The following PTCHD4 variants were observed in gnomAD, a reference collection of about 807,000 sequenced individuals.
PTCHD4 encodes the protein patched domain-containing protein 4.
PTCHD4 carries 33 observed loss-of-function variants against 58.1 expected under a neutral mutation model. That is an observed-to-expected ratio of 0.57 (90% confidence interval 0.43 to 0.76). PTCHD4 has a LOEUF of 0.76. PTCHD4 is among the 30% of genes least tolerant of loss of function. The pLI is 0.00. For missense variants in PTCHD4, 1,058 were observed against 1,027.1 expected (o/e 1.03, Z -0.41); for synonymous variants, 478 against 409.6 (o/e 1.17, Z -2.02).
At chr6:47,902,780 A>C (rs750214884) in intron 4 of PTCHD4, among the ~76,000 whole-genome samples, 15 of 152,220 alleles carry the variant, frequency 9.9e-5, no homozygotes, top group Non-Finnish European at 2.1e-4. Flanking sequence ...ATGTCCATAA[A>C]TAACCCATGT....
At chr6:47,881,979 C>T (rs1025376529) in intron 4 of PTCHD4, among the ~76,000 whole-genome samples, 2 of 152,116 alleles carry the variant, frequency 1.3e-5, no homozygotes, top group African/African-American at 4.8e-5. Context: ...TGCATTTTAT[C>T]AGGAGCTCAA....
At position 47,881,527 on chromosome 6, in the gene PTCHD4, T is replaced by A. The variant is rs559445530; in HGVS notation, c.899-1591A>T. Among the ~76,000 whole-genome samples the A allele has an allele frequency of 5.5e-4, 84 of 151,814 alleles. 2 individuals carry two copies. The South Asian group carries it at 0.017, about 30-fold the overall frequency. ...TTGTCTGCCTCCTTTTGGAATTCTCTTCTAAGAAAACCAAATCTTGGCTAA... is the reference window on the plus strand; with the variant it reads ...TTGTCTGCCTCCTTTTGGAATTCTCATCTAAGAAAACCAAATCTTGGCTAA... On this transcript the variant is annotated intron_variant, in intron 4 of 4. Coordinates refer to ENST00000339488, the MANE Select transcript of PTCHD4 (RefSeq NM_001384253.1).
intron 4 of PTCHD4, among the ~76,000 whole-genome samples, chr6:47,908,414 C>A (rs1764968479): frequency 6.6e-6 from 1 of 152,140 alleles, no homozygotes; most frequent in Non-Finnish European, 1.5e-5. Flanking sequence ...GTGATTCCAC[C>A]TCAAGCATCA....
intron 3 of PTCHD4, among the ~76,000 whole-genome samples, chr6:48,032,532 A>G (rs1384469381): frequency 1.3e-5 from 2 of 152,102 alleles, no homozygotes; most frequent in African/African-American, 4.8e-5. Context: ...AATAGACAGA[A>G]GCGAAATTAA....
intron 4 of PTCHD4, among the ~76,000 whole-genome samples, chr6:47,914,207 C>T (rs1277088253): frequency 2.6e-5 from 4 of 152,004 alleles, no homozygotes; most frequent in African/African-American, 9.7e-5. Flanking sequence ...TTTTAGCAGC[C>T]ATTTAAGTGT....
chr6:47,959,645 A>G (rs1023801100), intron 4 of PTCHD4, among the ~76,000 whole-genome samples: 2 of 152,156 alleles, frequency 1.3e-5, no homozygotes, highest in Non-Finnish European at 2.9e-5. Context: ...TAAAGAGACA[A>G]TCATAGGAGC....
intron 4 of PTCHD4, among the ~76,000 whole-genome samples, chr6:47,953,409 C>A (rs1766730260): frequency 6.6e-6 from 1 of 152,142 alleles, no homozygotes; most frequent in Non-Finnish European, 1.5e-5. Context: ...AAGATGTCAT[C>A]TTTGTACACA....
chr6:47,915,240 C>T (rs1213894331), intron 4 of PTCHD4, among the ~76,000 whole-genome samples: 1 of 138,632 alleles, frequency 7.2e-6, no homozygotes, highest in Non-Finnish European at 1.6e-5. Flanking sequence ...TCTTAAAGCA[C>T]TTATTTATTT....
chr6:47,869,989 C>T lies in PTCHD4; in HGVS notation c.*8314G>A, dbSNP rs551382137. ...GAATTTAAGAATAACCTAGCTTTTA[C>T]AGCATTTGTGATTGTGATTTTAAAA... On this transcript the variant is annotated 3_prime_UTR_variant, in exon 5 of 5. Coordinates refer to ENST00000339488, the MANE Select transcript of PTCHD4 (RefSeq NM_001384253.1). Among the ~76,000 whole-genome samples the T allele has an allele frequency of 1.3e-5, 2 of 151,626 alleles. No individual in the cohort carries two copies. Among genetic ancestry groups the T allele is most frequent in the South Asian group, 4.1e-4 (2 of 4,824 alleles).
At chr6:47,881,410 G>A (rs1343732783) in intron 4 of PTCHD4, among the ~76,000 whole-genome samples, 1 of 152,138 alleles carries the variant, frequency 6.6e-6, no homozygotes, top group Non-Finnish European at 1.5e-5. Context: ...TCTGGACAAT[G>A]CAATGTAACT....
chr6:47,870,053 C>T lies in PTCHD4; in HGVS notation c.*8250G>A, dbSNP rs1763673906. Among the ~76,000 whole-genome samples, 1 of 151,544 alleles carries T rather than the reference C, an allele frequency of 6.6e-6. No homozygotes were observed. Among genetic ancestry groups the T allele is most frequent in the South Asian group, 2.1e-4 (1 of 4,826 alleles). On this transcript the variant is annotated 3_prime_UTR_variant, in exon 5 of 5. Transcript: ENST00000339488. ...ACCCTAAGAACTATAGAATATACAC[C>T]TGTATAATTTATCACTACTTTAATA...
chr6:48,050,718 C>A (rs1764203308), intron 3 of PTCHD4, among the ~76,000 whole-genome samples: 1 of 151,978 alleles, frequency 6.6e-6, no homozygotes, highest in Non-Finnish European at 1.5e-5. Context: ...TCCCATAGAT[C>A]CATATCAGAT....
At chr6:47,967,215 T>A (rs1026296558) in intron 4 of PTCHD4, among the ~76,000 whole-genome samples, 29 of 152,216 alleles carry the variant, frequency 1.9e-4, no homozygotes, top group African/African-American at 5.5e-4. Context: ...TCCTTGTACA[T>A]CTCCATTAGA....
Position 47,867,122 on chromosome 6 carries a change from T to C in PTCHD4, c.*11181A>G, listed in dbSNP as rs1763588132. On this transcript the variant is annotated 3_prime_UTR_variant, in exon 5 of 5. Transcript: ENST00000339488. ...CCTATTCTATTAGGCAGGTATTATTTGAATTGTTAATTAAAATAATATTAA... is the reference window on the plus strand; with the variant it reads ...CCTATTCTATTAGGCAGGTATTATTCGAATTGTTAATTAAAATAATATTAA... Among the ~76,000 whole-genome samples the C allele has an allele frequency of 6.6e-6, 1 of 151,800 alleles. No individual in the cohort carries two copies.
intron 4 of PTCHD4, among the ~76,000 whole-genome samples, chr6:47,909,888 C>A (rs1465853254): frequency 6.6e-6 from 1 of 152,110 alleles, no homozygotes; most frequent in Non-Finnish European, 1.5e-5. Context: ...TATGGTTTGG[C>A]ATGAGAAATG....
rs1244148562 is a variant in PTCHD4, at chr6:47,859,722, GGGA to G, written c.*18578_*18580del. ...AAATCCCATGACAAATATGAAAGAA[GGGA>G]GGAGATTTACTATATTTTCATGAGA... On this transcript the variant is annotated 3_prime_UTR_variant, in exon 5 of 5. Coordinates refer to ENST00000339488, the MANE Select transcript of PTCHD4 (RefSeq NM_001384253.1). Among the ~76,000 whole-genome samples, 1 of 152,026 alleles carries G rather than the reference GGGA, an allele frequency of 6.6e-6. No homozygotes were observed. The highest frequency in any genetic ancestry group is 1.5e-5 in the Non-Finnish European group (1 of 67,978).
Position 47,967,383 on chromosome 6 carries a change from G to A in PTCHD4, c.898+41251C>T, listed in dbSNP as rs367950253. Among the ~76,000 whole-genome samples the A allele has an allele frequency of 1.1e-3, 167 of 152,226 alleles. 1 individual carries two copies. In the South Asian group the frequency reaches 0.033, roughly 30 times the overall value. ...CTTTGTTGTTACCTTTATAGAGCATGGGCAGAGTAGATTTAGCATAATTCT... is the reference window on the plus strand; with the variant it reads ...CTTTGTTGTTACCTTTATAGAGCATAGGCAGAGTAGATTTAGCATAATTCT... On this transcript the variant is annotated intron_variant, in intron 4 of 4. Transcript: ENST00000339488.
In PTCHD4 at chr6:47,979,428, A is replaced by G. The variant is rs142199054; in HGVS notation, c.898+29206T>C. 4.8e-3 allele frequency among the ~76,000 whole-genome samples: 732 copies of G among 152,258 alleles called. 3 individuals are homozygous for G. Among genetic ancestry groups the G allele is most frequent in the Non-Finnish European group, 7.5e-3 (511 of 67,954 alleles). On this transcript the variant is annotated intron_variant, in intron 4 of 4. Coordinates refer to ENST00000339488, the MANE Select transcript of PTCHD4 (RefSeq NM_001384253.1). ...GTGAAAGTTAAAATGGATAAAAAATAAGATGGTTGATCAATAGATAGAGGA... is the reference window on the plus strand; with the variant it reads ...GTGAAAGTTAAAATGGATAAAAAATGAGATGGTTGATCAATAGATAGAGGA...
At chr6:47,897,161 T>C (rs957183413) in intron 4 of PTCHD4, among the ~76,000 whole-genome samples, 2 of 152,196 alleles carry the variant, frequency 1.3e-5, no homozygotes, top group Non-Finnish European at 2.9e-5. Flanking sequence ...TTCATTTGGG[T>C]AGTGTTAAAG....
Sources: gnomAD v4.1 joint callset for allele counts (sites outside exome capture counted in the v4.1 genomes callset) on GRCh38, gnomAD v4.1.1 for gene constraint, MANE v1.5 for transcripts, NCBI Gene and HGNC (gene_info 2026-07-23, HGNC 2026-07-21) for gene names.